The following GRIA3 variants were observed in gnomAD, a reference collection of about 807,000 sequenced individuals.
GRIA3 encodes the protein glutamate ionotropic receptor AMPA type subunit 3, also known as glutamate receptor 3.
In GRIA3, 3 loss-of-function variants were observed where a neutral mutation model predicts 63.0. The ratio of observed to expected loss-of-function variants is 0.05; its 90% confidence interval spans 0.02 to 0.12. GRIA3 has a LOEUF of 0.12. GRIA3 is among the 10% of genes least tolerant of loss of function. GRIA3 has a pLI of 1.00. For synonymous variants in GRIA3, 274 were observed against 257.9 expected (o/e 1.06, Z -0.60); for missense variants, 347 against 700.9 (o/e 0.50, Z 5.70).
chrX:123,318,461 T>C (rs2044847058), intron 3 of GRIA3, among the ~76,000 whole-genome samples: 1 of 112,190 alleles, frequency 8.9e-6, no homozygotes, highest in South Asian at 3.7e-4. Flanking sequence ...TTTAAATGCT[T>C]TGCTGCTTAG....
intron 5 of GRIA3, among the ~76,000 whole-genome samples, chrX:123,377,230 C>G (rs1016958644): frequency 1.8e-5 from 2 of 111,816 alleles, no homozygotes; most frequent in Non-Finnish European, 3.8e-5. Flanking sequence ...GCCACCGCGC[C>G]TGTCCTCTTT....
chrX:123,226,627 C>T (rs2044248678), intron 2 of GRIA3, among the ~76,000 whole-genome samples: 1 of 111,183 alleles, frequency 9.0e-6, no homozygotes, highest in African/African-American at 3.3e-5. Context: ...AGGCTGAGAC[C>T]AGCACTTTTT....
intron 4 of GRIA3, among the ~76,000 whole-genome samples, chrX:123,354,576 T>A (rs761726521): frequency 4.5e-5 from 5 of 111,687 alleles, no homozygotes; most frequent in South Asian, 7.5e-4. Flanking sequence ...CAGCTGATTT[T>A]CCATCTCAAA....
At chrX:123,186,444 G>C (rs770556485) in intron 2 of GRIA3, among the ~76,000 whole-genome samples, 1 of 112,066 alleles carries the variant, frequency 8.9e-6, no homozygotes, top group African/African-American at 3.2e-5. Context: ...CTAGTGCCTG[G>C]CTCTAGGAAC....
chrX:123,343,659 G>A (rs1409245076), intron 4 of GRIA3, among the ~76,000 whole-genome samples: 1 of 110,457 alleles, frequency 9.1e-6, no homozygotes, highest in Non-Finnish European at 1.9e-5. Context: ...GAGAGATTGA[G>A]ATTGAACATC....
intron 12 of GRIA3, among the ~76,000 whole-genome samples, chrX:123,444,843 C>T (rs1393256224): frequency 1.8e-5 from 2 of 111,191 alleles, no homozygotes; most frequent in Non-Finnish European, 3.8e-5. Context: ...ATTGCCATTG[C>T]CATTTTAACC....
intron 5 of GRIA3, 141 bp from the exon 6 acceptor site, chrX:123,394,827 A>G: frequency 6.1e-6 from 3 of 487,988 alleles, no homozygotes; most frequent in Non-Finnish European, 1.1e-5. Context: ...CCTAACAATT[A>G]ATTTCATATT....
intron 2 of GRIA3, among the ~76,000 whole-genome samples, chrX:123,216,713 G>A (rs1358219867): frequency 2.7e-5 from 3 of 111,943 alleles, no homozygotes; most frequent in Non-Finnish European, 5.6e-5. Context: ...AAGGCTCTAC[G>A]AATAGCACAG....
chrX:123,451,524 A>AAAAAAAAAAAAC (rs2045731696), intron 12 of GRIA3, among the ~76,000 whole-genome samples: 1 of 103,964 alleles, frequency 9.6e-6, no homozygotes, highest in African/African-American at 3.5e-5. Context: ...AAAAAAAAAA[A>AAAAAAAAAAAAC]AAAAAAAAAA....
chrX:123,218,098 A>T lies in GRIA3; in HGVS notation c.268+32108A>T, dbSNP rs888881408. ...TGCTTAAAAGTTTTTGAAACCTTAC[A>T]TTGTTCCAAAGATGCTAAATAAGAA... On this transcript the variant is annotated intron_variant, in intron 2 of 15. Transcript: ENST00000620443. Among the ~76,000 whole-genome samples the T allele has an allele frequency of 7.1e-5, 8 of 112,740 alleles. No individual in the cohort carries two copies. In the East Asian group the frequency reaches 1.9e-3, roughly 27 times the overall value.
chrX:123,318,214 C>A (rs2044844763), intron 3 of GRIA3, among the ~76,000 whole-genome samples: 1 of 112,110 alleles, frequency 8.9e-6, no homozygotes, highest in Admixed American at 9.4e-5. Flanking sequence ...GGTCTCTGGG[C>A]CTGTGATGGG....
chrX:123,314,969 TGAA>T (rs774217464), intron 3 of GRIA3, among the ~76,000 whole-genome samples: 2 of 112,073 alleles, frequency 1.8e-5, no homozygotes, highest in African/African-American at 3.2e-5. Context: ...ACATCCTTCA[TGAA>T]GGAGGTCACA....
At chrX:123,379,624 T>G (rs2045308874) in intron 5 of GRIA3, among the ~76,000 whole-genome samples, 1 of 105,403 alleles carries the variant, frequency 9.5e-6, no homozygotes, top group South Asian at 4.3e-4. Flanking sequence ...CAACTTGTTT[T>G]TTTTTTTTTT....
chrX:123,433,232 G>C (rs1438355772), intron 12 of GRIA3, among the ~76,000 whole-genome samples: 1 of 111,498 alleles, frequency 9.0e-6, no homozygotes, highest in African/African-American at 3.3e-5. Context: ...TGTATATAGG[G>C]CATAAAGACA....
chrX:123,434,124 C>T (rs2045632957), intron 12 of GRIA3, among the ~76,000 whole-genome samples: 1 of 111,596 alleles, frequency 9.0e-6, no homozygotes, highest in Non-Finnish European at 1.9e-5. Context: ...TCCACAAGCG[C>T]ACCTATGCAG....
chrX:123,336,389 G>A (rs780823019), intron 4 of GRIA3, among the ~76,000 whole-genome samples: 2 of 111,506 alleles, frequency 1.8e-5, no homozygotes, highest in South Asian at 7.5e-4. Context: ...CACCTGGCTC[G>A]TCCAGTCAAA....
At chrX:123,415,294 G>T (rs2045530867) in intron 10 of GRIA3, among the ~76,000 whole-genome samples, 1 of 111,967 alleles carries the variant, frequency 8.9e-6, no homozygotes, top group Non-Finnish European at 1.9e-5. Flanking sequence ...TAGTGGAGAA[G>T]GGAAAAATTA....
At chrX:123,324,435 T>G (rs985241352) in intron 3 of GRIA3, among the ~76,000 whole-genome samples, 4 of 111,950 alleles carry the variant, frequency 3.6e-5, no homozygotes, top group African/African-American at 1.3e-4. Flanking sequence ...TGAGGCTTTA[T>G]CGTACACTGC....
At chrX:123,261,704 A>G (rs2044461380) in intron 3 of GRIA3, among the ~76,000 whole-genome samples, 1 of 111,460 alleles carries the variant, frequency 9.0e-6, no homozygotes, top group South Asian at 3.8e-4. Context: ...CTTGTGACCA[A>G]TTGCATTGTT....
Sources: allele counts gnomAD v4.1 joint callset (sites outside exome capture counted in the v4.1 genomes callset), GRCh38; gene constraint gnomAD v4.1.1; transcripts MANE v1.5; gene names NCBI Gene and HGNC (gene_info 2026-07-23, HGNC 2026-07-21).